The following NEUROD2 variants were observed in gnomAD, a reference collection of about 807,000 sequenced individuals.
NEUROD2 encodes the protein neuronal differentiation 2, also known as neurogenic differentiation factor 2.
NEUROD2 carries 5 observed loss-of-function variants against 9.3 expected under a neutral mutation model. The observed-to-expected ratio is 0.54, with a 90% CI of 0.28 to 1.13. NEUROD2 has a LOEUF of 1.13. NEUROD2 is among the 50% of genes most tolerant of loss of function. The pLI is 0.10. For synonymous variants in NEUROD2, 277 were observed against 257.3 expected (o/e 1.08, Z -0.73); for missense variants, 376 against 549.2 (o/e 0.68, Z 3.15).
At position 39,606,186 on chromosome 17, in the gene NEUROD2, G is replaced by A. The variant is rs751450679; in HGVS notation, c.414C>T (p.Asn138=). The A allele has an allele frequency of 5.1e-5, 82 of 1,612,884 alleles. No individual in the cohort carries two copies. In the East Asian group the frequency reaches 1.7e-3, roughly 34 times the overall value. The change falls in exon 2 of 2, where the codon AAC becomes AAT. Residue 138 remains asparagine (N), a synonymous_variant. Transcript: ENST00000302584. The surrounding 1 kb of genome is among the most constrained non-coding windows in gnomAD (Gnocchi z 7.8). ...ARERNRMHDL[N]AALDNLRKVV... The stretch of plus-strand genomic sequence containing the variant: ...CCTTGCGCAGGTTGTCCAGGGCTGC[G>A]TTCAGGTCGTGCATGCGGTTGCGCT...
At position 39,604,392 on chromosome 17, in the gene NEUROD2, C is replaced by G. The variant is rs1403051048; in HGVS notation, c.*1059G>C. 1.3e-5 allele frequency: 2 copies of G among 152,710 alleles called. No individual in the cohort carries two copies. The highest frequency in any genetic ancestry group is 2.9e-5 in the Non-Finnish European group (2 of 68,032). The allele number at this position is 152,710 out of a possible 1,614,324, so 9.5% of individuals were successfully genotyped here. A position where few individuals can be genotyped will look rare whatever the true frequency, so the allele number is the denominator to read the frequency against. ...AACAGGTTTTTAAAAAACAGCATGA[C>G]GCACAACGGGGACGGGGCGGGGGAG... On this transcript the variant is annotated 3_prime_UTR_variant, in exon 2 of 2. Coordinates refer to ENST00000302584, the MANE Select transcript of NEUROD2 (RefSeq NM_006160.4).
In NEUROD2 at chr17:39,604,395, A is replaced by C. The variant is rs1163506327; in HGVS notation, c.*1056T>G. The C allele has an allele frequency of 6.5e-6, 1 of 152,752 alleles. No individual in the cohort carries two copies. Among genetic ancestry groups the C allele is most frequent in the African/African-American group, 2.4e-5 (1 of 41,428 alleles). The allele number at this position is 152,752 out of a possible 1,614,324, so 9.5% of individuals were successfully genotyped here. A position where few individuals can be genotyped will look rare whatever the true frequency, so the allele number is the denominator to read the frequency against. ...AGGTTTTTAAAAAACAGCATGACGC[A>C]CAACGGGGACGGGGCGGGGGAGGGC... On this transcript the variant is annotated 3_prime_UTR_variant, in exon 2 of 2. Transcript: ENST00000302584.
At position 39,607,667 on chromosome 17, in the gene NEUROD2, G is replaced by A. The variant is rs1304756860; in HGVS notation, c.-6+61C>T. 2.1e-5 allele frequency: 21 copies of A among 984,016 alleles called. No individual in the cohort carries two copies. The African/African-American group carries it at 3.7e-4, about 17-fold the overall frequency. 61.0% of individuals were successfully genotyped at this position (984,016 alleles called of 1,614,324 possible). ...GTATTTGAGGACCCTCCTGTCGGCC[G>A]AAGCTGCCGCCCCTCCTCCCAACCG... On this transcript the variant is annotated intron_variant, in intron 1 of 1. Coordinates refer to ENST00000302584, the MANE Select transcript of NEUROD2 (RefSeq NM_006160.4).
In NEUROD2 at chr17:39,606,645, C is replaced by T; in HGVS notation, c.-5-41G>A. 1 of 1,486,944 alleles carries T rather than the reference C, an allele frequency of 6.7e-7. No individual in the cohort carries two copies. Among genetic ancestry groups the T allele is most frequent in the Non-Finnish European group, 8.9e-7 (1 of 1,126,814 alleles). The allele number at this position is 1,486,944 out of a possible 1,614,324, so 92.1% of individuals were successfully genotyped here. ...GGGCGGGAAGGGGAGACAGACAGCA[C>T]AAAGTGAGGGGCGCGCTGGGGTACC... On this transcript the variant is annotated intron_variant, in intron 1 of 1. Transcript: ENST00000302584. The surrounding 1 kb of genome is among the most constrained non-coding windows in gnomAD (Gnocchi z 7.8).
chr17:39,604,388 A>G lies in NEUROD2; in HGVS notation c.*1063T>C, dbSNP rs911196946. ...TGGAAACAGGTTTTTAAAAAACAGC[A>G]TGACGCACAACGGGGACGGGGCGGG... On this transcript the variant is annotated 3_prime_UTR_variant, in exon 2 of 2. Coordinates refer to ENST00000302584, the MANE Select transcript of NEUROD2 (RefSeq NM_006160.4). 2.6e-5 allele frequency: 4 copies of G among 152,666 alleles called. No individual in the cohort carries two copies. The highest frequency in any genetic ancestry group is 5.9e-5 in the Non-Finnish European group (4 of 68,006). The allele number at this position is 152,666 out of a possible 1,614,324, so 9.5% of individuals were successfully genotyped here. A position where few individuals can be genotyped will look rare whatever the true frequency, so the allele number is the denominator to read the frequency against.
chr17:39,607,509 T>C lies in NEUROD2; in HGVS notation c.-6+219A>G, dbSNP rs1016120461. The C allele has an allele frequency of 7.5e-5, 49 of 655,258 alleles. No individual in the cohort carries two copies. In the African/African-American group the frequency reaches 8.2e-4, roughly 11 times the overall value. The allele number at this position is 655,258 out of a possible 1,614,324, so 40.6% of individuals were successfully genotyped here. ...CATATCCCCCTCCGTGATCCTGCCT[T>C]CCCCCCCCACCGAGCCCATCGCAGG... On this transcript the variant is annotated intron_variant, in intron 1 of 1. Coordinates refer to ENST00000302584, the MANE Select transcript of NEUROD2 (RefSeq NM_006160.4).
At chr17:39,607,637 A>C (rs2056775278) in intron 1 of NEUROD2, 91 bp downstream of exon 1, 2 of 984,950 alleles carry the variant, frequency 2.0e-6, no homozygotes, top group Non-Finnish European at 2.4e-6. Flanking sequence ...CATCCCAGGA[A>C]GGAGGTATTT....
chr17:39,607,136 T>C (rs1356325026), intron 1 of NEUROD2: 1 of 152,380 alleles, frequency 6.6e-6, no homozygotes, highest in African/African-American at 2.4e-5. Context: ...CGCCGCCCCT[T>C]GCTCGGCCCC....
At position 39,604,193 on chromosome 17, in the gene NEUROD2, G is replaced by T. The variant is rs374010186; in HGVS notation, c.*1258C>A. 1 of 152,580 alleles carries T rather than the reference G, an allele frequency of 6.6e-6. No individual in the cohort carries two copies. The highest frequency in any genetic ancestry group is 1.5e-5 in the Non-Finnish European group (1 of 68,056). The allele number at this position is 152,580 out of a possible 1,614,324, so 9.5% of individuals were successfully genotyped here. ...TCTCCATCCCCACCCCTCACCCCAG[G>T]AGGGGACAGAATGGCCGCGGGGAGG... On this transcript the variant is annotated 3_prime_UTR_variant, in exon 2 of 2. Transcript: ENST00000302584.
At position 39,606,062 on chromosome 17, in the gene NEUROD2, C is replaced by G; in HGVS notation, c.538G>C (p.Gly180Arg). The G allele has an allele frequency of 6.2e-7, 1 of 1,613,922 alleles. No homozygotes were observed. Among genetic ancestry groups the G allele is most frequent in the Non-Finnish European group, 8.5e-7 (1 of 1,179,828 alleles). ...TAGGACACTAGGTCTGGCCGCTTGC[C>G]GGAGCGCAGGATCTCCGAGAGCGCC... ...IWALSEILRS[G>R]KRPDLVSYVQ... Residue 180 changes from glycine (G) to arginine (R), a missense_variant, in exon 2 of 2, where the codon GGC (glycine) becomes CGC (arginine). Gly to Arg is a moderately radical substitution (Grantham distance 125). This residue lies in a region of NEUROD2 where 49 missense variants were observed against 159.8 expected (regional missense o/e 0.31). Transcript: ENST00000302584. The surrounding 1 kb of genome is among the most constrained non-coding windows in gnomAD (Gnocchi z 7.8).
rs537108143 is a variant in NEUROD2 at position 39,606,389 on chromosome 17, C to A, written c.211G>T (p.Ala71Ser). ...AGCTCGCCTTCCTCCTTGACCTCGG[C>A]CAACGTGGCCTCCGTCCCCTCTTCT... ...RGEEGTEATL[A>S]EVKEEGELGG... The change falls in exon 2 of 2, where the codon GCC (alanine) becomes TCC (serine). Residue 71 changes from alanine to serine, a missense_variant. This residue lies in a region of NEUROD2 where 134 missense variants were observed against 133.6 expected (regional missense o/e 1.00). Coordinates refer to ENST00000302584, the MANE Select transcript of NEUROD2 (RefSeq NM_006160.4). This position sits in a 1 kb window ranked among gnomAD's most constrained non-coding sequence, Gnocchi z 7.8. 1.9e-6 allele frequency: 3 copies of A among 1,551,740 alleles called. No individual in the cohort carries two copies. In the Admixed American group the frequency reaches 5.8e-5, roughly 30 times the overall value.
intron 1 of NEUROD2, chr17:39,607,467 C>G (rs946804537): frequency 3.5e-5 from 11 of 314,144 alleles, no homozygotes; most frequent in South Asian, 1.2e-4. Flanking sequence ...GAGGGGTCCT[C>G]CGTCTCGGCC....
chr17:39,606,675 C>A lies in NEUROD2; in HGVS notation c.-5-71G>T. 2 of 1,396,278 alleles carry A rather than the reference C, an allele frequency of 1.4e-6. No homozygotes were observed. The highest frequency in any genetic ancestry group is 1.9e-6 in the Non-Finnish European group (2 of 1,063,790). 86.5% of individuals were successfully genotyped at this position (1,396,278 alleles called of 1,614,324 possible). A position where few individuals can be genotyped will look rare whatever the true frequency, so the allele number is the denominator to read the frequency against. On this transcript the variant is annotated intron_variant, in intron 1 of 1. Coordinates refer to ENST00000302584, the MANE Select transcript of NEUROD2 (RefSeq NM_006160.4). This position sits in a 1 kb window ranked among gnomAD's most constrained non-coding sequence, Gnocchi z 7.8. ...TGAGGGGCGCGCTGGGGTACCGACG[C>A]CCCCCCACAACCCTCCTCCACCCCC... is the stretch of plus-strand genomic sequence containing the variant.
At position 39,605,207 on chromosome 17, in the gene NEUROD2, C is replaced by T. The variant is rs998947396; in HGVS notation, c.*244G>A. The T allele has an allele frequency of 6.7e-6, 3 of 447,070 alleles. No individual in the cohort carries two copies. Among genetic ancestry groups the T allele is most frequent in the African/African-American group, 2.0e-5 (1 of 49,782 alleles). The allele number at this position is 447,070 out of a possible 1,614,324, so 27.7% of individuals were successfully genotyped here. On this transcript the variant is annotated 3_prime_UTR_variant, in exon 2 of 2. Transcript: ENST00000302584. This position sits in a 1 kb window ranked among gnomAD's most constrained non-coding sequence, Gnocchi z 6.8. ...GAGAGAGGTCCCTGGAGAAGCACTC[C>T]TTGGGAGAGAGGAGGAGGGAACCCC...
At position 39,606,731 on chromosome 17, in the gene NEUROD2, C is replaced by A. The variant is rs1025510059; in HGVS notation, c.-5-127G>T. The A allele has an allele frequency of 5.8e-6, 6 of 1,031,830 alleles. No individual in the cohort carries two copies. 63.9% of individuals were successfully genotyped at this position (1,031,830 alleles called of 1,614,324 possible). ...TCGTGCGGGCTCCTGCCTAGGCTAC[C>A]CTGGATGCCCACCTCCGCCGCCTGC... On this transcript the variant is annotated intron_variant, in intron 1 of 1. Coordinates refer to ENST00000302584, the MANE Select transcript of NEUROD2 (RefSeq NM_006160.4). This position sits in a 1 kb window ranked among gnomAD's most constrained non-coding sequence, Gnocchi z 7.8.
rs758687441 is a variant in NEUROD2, at chr17:39,605,592, C to G, written c.1008G>C (p.Arg336=). The change falls in exon 2 of 2, where the codon CGG becomes CGC. Residue 336 remains arginine (R), a synonymous_variant. Transcript: ENST00000302584. The surrounding 1 kb of genome is among the most constrained non-coding windows in gnomAD (Gnocchi z 6.8). The part of the protein sequence containing the change: ...SMHYSALPGS[R]PTGHGLVFGS... ...CGAAGACTAGCCCGTGGCCCGTGGG[C>G]CGCGAACCGGGCAGCGCCGAGTAGT... is the stretch of plus-strand genomic sequence containing the variant. The G allele has an allele frequency of 6.2e-7, 1 of 1,613,702 alleles. No homozygotes were observed. Among genetic ancestry groups the G allele is most frequent in the East Asian group, 2.2e-5 (1 of 44,848 alleles).
rs777715063 is a variant in NEUROD2 at position 39,605,949 on chromosome 17, C to G, written c.651G>C (p.Thr217=). ...CLQLNSRNFL[T]EQGADGAGRF... is the part of the protein sequence containing the mutation. ...GGCCGGCACCGTCGGCGCCTTGCTC[C>G]GTGAGGAAGTTGCGAGAGTTGAGCT... is the stretch of plus-strand genomic sequence containing the variant. Residue 217 remains threonine, a synonymous_variant, in exon 2 of 2, where the codon ACG becomes ACC. Coordinates refer to ENST00000302584, the MANE Select transcript of NEUROD2 (RefSeq NM_006160.4). The surrounding 1 kb of genome is among the most constrained non-coding windows in gnomAD (Gnocchi z 6.8). 1.2e-6 allele frequency: 2 copies of G among 1,612,788 alleles called. No individual in the cohort carries two copies. Among genetic ancestry groups the G allele is most frequent in the Non-Finnish European group, 1.7e-6 (2 of 1,179,880 alleles).
chr17:39,605,551 C>T lies in NEUROD2; in HGVS notation c.1049G>A (p.Arg350His), dbSNP rs574724191. 1 of 1,613,582 alleles carries T rather than the reference C, an allele frequency of 6.2e-7. No individual in the cohort carries two copies. Among genetic ancestry groups the T allele is most frequent in the Non-Finnish European group, 8.5e-7 (1 of 1,179,866 alleles). ...GAGATTCTCCGAGTGGACGCCCCCG[C>T]GCACAGCCGACGAGCCGAAGACTAG... ...HGLVFGSSAVRGGVHSENLLS... is the reference protein window; with the variant it reads ...HGLVFGSSAVHGGVHSENLLS... Residue 350 changes from arginine (R) to histidine (H), a missense_variant, in exon 2 of 2, where the codon CGC (arginine) becomes CAC (histidine). This residue lies in a region of NEUROD2 where 193 missense variants were observed against 255.8 expected (regional missense o/e 0.75). Transcript: ENST00000302584. The surrounding 1 kb of genome is among the most constrained non-coding windows in gnomAD (Gnocchi z 6.8).
rs1225173133 is a variant in NEUROD2, at chr17:39,606,386, C to T, written c.214G>A (p.Glu72Lys). 6.4e-7 allele frequency: 1 copy of T among 1,554,498 alleles called. No homozygotes were observed. The highest frequency in any genetic ancestry group is 8.7e-7 in the Non-Finnish European group (1 of 1,152,092). The change falls in exon 2 of 2, where the codon GAG (glutamate) becomes AAG (lysine). Residue 72 changes from glutamate to lysine, a missense_variant. Glu to Lys is a moderately conservative substitution (Grantham distance 56). Transcript: ENST00000302584. This position sits in a 1 kb window ranked among gnomAD's most constrained non-coding sequence, Gnocchi z 7.8. Reference protein sequence around the residue: ...GEEGTEATLAEVKEEGELGGE... With the variant: ...GEEGTEATLAKVKEEGELGGE... ...CCCAGCTCGCCTTCCTCCTTGACCTCGGCCAACGTGGCCTCCGTCCCCTCT... is the reference window on the plus strand; with the variant it reads ...CCCAGCTCGCCTTCCTCCTTGACCTTGGCCAACGTGGCCTCCGTCCCCTCT...
Sources: gnomAD v4.1 joint callset for allele counts on GRCh38, gnomAD v4.1.1 for gene constraint, gnomAD v4.1.1 regional missense constraint, Gnocchi (gnomAD v3.1) non-coding constraint, MANE v1.5 for transcripts, NCBI Gene and HGNC (gene_info 2026-07-23, HGNC 2026-07-21) for gene names.